The following HERC4 variants were observed in gnomAD, a reference collection of about 807,000 sequenced individuals.
HERC4 encodes the protein probable E3 ubiquitin-protein ligase HERC4.
A neutral mutation model predicts 124.3 loss-of-function variants in HERC4; 28 were observed. The observed-to-expected ratio is 0.23, with a 90% confidence interval of 0.17 to 0.31. The LOEUF is 0.31. Ranked by LOEUF, HERC4 falls within the 10% of genes least tolerant of loss-of-function variation. The pLI, the probability that HERC4 is intolerant of heterozygous loss-of-function variation, is 1.00. For synonymous variants in HERC4, 407 were observed against 421.5 expected (o/e 0.97, Z 0.42); for missense variants, 713 against 1,229.3 (o/e 0.58, Z 6.28).
intron 9 of HERC4, among the ~76,000 whole-genome samples, chr10:68,006,381 T>G (rs4457643): frequency 0.11 from 15,304 of 145,264 alleles, 1,101 homozygotes; most frequent in East Asian, 0.54. Flanking sequence ...TTTTGTTTTT[T>G]TTTTTTTTTT....
chr10:68,023,421 T>C (rs937852042), intron 8 of HERC4, among the ~76,000 whole-genome samples: 6 of 152,168 alleles, frequency 3.9e-5, no homozygotes, highest in Non-Finnish European at 7.4e-5. Flanking sequence ...TGAACCTTGA[T>C]GACACTACGC....
chr10:68,016,490 C>T (rs2038276191), intron 8 of HERC4, among the ~76,000 whole-genome samples: 1 of 152,096 alleles, frequency 6.6e-6, no homozygotes, highest in Non-Finnish European at 1.5e-5. Context: ...GTGGCTGGGA[C>T]TACAGGCATG....
intron 5 of HERC4, among the ~76,000 whole-genome samples, chr10:68,036,378 TAAAC>T (rs373683302): frequency 8.1e-5 from 12 of 147,936 alleles, no homozygotes; most frequent in African/African-American, 2.5e-4. Context: ...CAAAGCTGAG[TAAAC>T]AAACAAACAA....
chr10:68,071,350 C>T (rs2041564805), intron 3 of HERC4, among the ~76,000 whole-genome samples: 1 of 152,242 alleles, frequency 6.6e-6, no homozygotes, highest in Non-Finnish European at 1.5e-5. Context: ...ACCTCTAACA[C>T]TTAAACATTT....
At chr10:68,018,980 C>T (rs1162049963) in intron 8 of HERC4, among the ~76,000 whole-genome samples, 1 of 143,874 alleles carries the variant, frequency 7.0e-6, no homozygotes, top group East Asian at 2.1e-4. Flanking sequence ...CATCATCAGC[C>T]AAAGCATTCT....
At chr10:67,932,179 A>G (rs2031889475) in intron 23 of HERC4, among the ~76,000 whole-genome samples, 1 of 152,064 alleles carries the variant, frequency 6.6e-6, no homozygotes, top group Non-Finnish European at 1.5e-5. Context: ...CTGGTCTTGA[A>G]CACCTGACCT....
At chr10:68,051,136 A>G (rs1460676889) in intron 3 of HERC4, among the ~76,000 whole-genome samples, 1 of 151,534 alleles carries the variant, frequency 6.6e-6, no homozygotes, top group Non-Finnish European at 1.5e-5. Flanking sequence ...AACTTGCCAC[A>G]CAAGTCCATT....
chr10:67,927,401 TA>T lies in HERC4; in HGVS notation c.2839-2215del, dbSNP rs1564910495. 6.3e-3 allele frequency among the ~76,000 whole-genome samples: 53 copies of T among 8,416 alleles called. 2 individuals carry two copies. The highest frequency in any genetic ancestry group is 0.016 in the South Asian group (7 of 436). 5.5% of individuals were successfully genotyped at this position (8,416 alleles called of 152,430 possible). On this transcript the variant is annotated intron_variant, in intron 23 of 24. Transcript: ENST00000373700. ...CACCATATATATATATATATATATA[TA>T]TATATATATATATATATATATATAT...
In HERC4 at chr10:68,052,026, T is replaced by C. The variant is rs572566937; in HGVS notation, c.227-7463A>G. Among the ~76,000 whole-genome samples, 5 of 152,128 alleles carry C rather than the reference T, an allele frequency of 3.3e-5. No individual in the cohort carries two copies. In the East Asian group the frequency reaches 9.6e-4, roughly 29 times the overall value. The stretch of plus-strand genomic sequence containing the variant: ...TAAAAAGGGTGAAAAAAAAGTATCA[T>C]TGTGTTCCTATCAGTATTTATGAGT... On this transcript the variant is annotated intron_variant, in intron 3 of 24. Transcript: ENST00000373700.
chr10:68,036,770 A>T (rs2039494355), intron 5 of HERC4, among the ~76,000 whole-genome samples: 1 of 152,220 alleles, frequency 6.6e-6, no homozygotes, highest in Non-Finnish European at 1.5e-5. Context: ...TTAATAAAAA[A>T]ATTAATCTTT....
chr10:68,030,714 A>C (rs1314279874), intron 7 of HERC4, among the ~76,000 whole-genome samples: 1 of 152,226 alleles, frequency 6.6e-6, no homozygotes, highest in African/African-American at 2.4e-5. Context: ...GTGCACACAC[A>C]ATTTCAAATC....
intron 16 of HERC4, among the ~76,000 whole-genome samples, chr10:67,964,373 T>G (rs1038456036): frequency 6.6e-6 from 1 of 152,192 alleles, no homozygotes; most frequent in Non-Finnish European, 1.5e-5. Context: ...TTAATCTTTG[T>G]GGATTTCTCT....
chr10:67,974,603 C>T (rs2035470103), intron 15 of HERC4, among the ~76,000 whole-genome samples: 2 of 152,272 alleles, frequency 1.3e-5, no homozygotes, highest in South Asian at 4.1e-4. Context: ...GCCTATAGTT[C>T]TTACTTCTAA....
chr10:67,963,594 T>A (rs2034663092), intron 16 of HERC4, among the ~76,000 whole-genome samples: 1 of 152,206 alleles, frequency 6.6e-6, no homozygotes, highest in African/African-American at 2.4e-5. Context: ...ACTAGTTTAA[T>A]GTGTGTATAT....
chr10:67,944,120 A>G (rs2033138537), intron 19 of HERC4, among the ~76,000 whole-genome samples: 1 of 152,236 alleles, frequency 6.6e-6, no homozygotes, highest in Admixed American at 6.5e-5. Flanking sequence ...GTAGCCAGGC[A>G]GTGGTTACCA....
chr10:67,956,834 A>G (rs747870763), intron 17 of HERC4, 44 bp downstream of exon 17: 6 of 1,269,304 alleles, frequency 4.7e-6, no homozygotes, highest in Middle Eastern at 2.0e-4. Flanking sequence ...CAGAAACATC[A>G]AAGAAACAAT....
chr10:68,032,921 C>A (rs1271606338), intron 6 of HERC4, 52 bp from the exon 7 acceptor site: 1 of 931,472 alleles, frequency 1.1e-6, no homozygotes, highest in East Asian at 2.4e-5. Flanking sequence ...CAAAACTCAT[C>A]TAGATGTGTT....
At chr10:67,949,038 G>C (rs2033599229) in intron 19 of HERC4, among the ~76,000 whole-genome samples, 1 of 151,994 alleles carries the variant, frequency 6.6e-6, no homozygotes, top group African/African-American at 2.4e-5. Context: ...TGGATCACAA[G>C]GTCAGGAAAT....
intron 19 of HERC4, among the ~76,000 whole-genome samples, chr10:67,952,441 G>A (rs1017288224): frequency 2.0e-5 from 3 of 151,812 alleles, no homozygotes; most frequent in African/African-American, 2.4e-5. Context: ...GTACCACCAC[G>A]CCCAGCTAAT....
Sources: gnomAD v4.1 joint callset for allele counts (sites outside exome capture counted in the v4.1 genomes callset) on GRCh38, gnomAD v4.1.1 for gene constraint, MANE v1.5 for transcripts, NCBI Gene and HGNC (gene_info 2026-07-23, HGNC 2026-07-21) for gene names.